ST3GAL6: variants seen among roughly 807,000 people sequenced by gnomAD.
ST3GAL6 encodes the protein ST3 beta-galactoside alpha-2,3-sialyltransferase 6, also known as type 2 lactosamine alpha-2,3-sialyltransferase.
ST3GAL6 carries 31 observed loss-of-function variants against 40.5 expected under a neutral mutation model. The observed-to-expected ratio is 0.77, with a 90% CI of 0.58 to 1.03. The LOEUF is 1.03. ST3GAL6 is among the 50% of genes least tolerant of loss of function. The pLI is 0.00. For synonymous variants in ST3GAL6, 129 were observed against 136.9 expected, an observed-to-expected ratio of 0.94 and a Z score of 0.40; for missense variants, 357 against 393.2, an observed-to-expected ratio of 0.91 and a Z score of 0.78.
chr3:98,771,191 G>GTGAGGC, intron 3 of ST3GAL6: 1 of 1,444,474 alleles, frequency 6.9e-7, no homozygotes, highest in African/African-American at 1.4e-5. Flanking sequence ...TTTCACACAG[G>GTGAGGC]TGAGGCTAGA....
At chr3:98,746,047 GA>G (rs1455133895) in intron 1 of ST3GAL6, among the ~76,000 whole-genome samples, 1 of 152,168 alleles carries the variant, frequency 6.6e-6, no homozygotes, top group Non-Finnish European at 1.5e-5. Flanking sequence ...ATAGATGGAT[GA>G]GATAGGTTGG....
chr3:98,735,968 G>A (rs145998631), intron 1 of ST3GAL6, among the ~76,000 whole-genome samples: 77 of 152,160 alleles, frequency 5.1e-4, no homozygotes, highest in African/African-American at 1.9e-3. Flanking sequence ...CTTGACTGTC[G>A]TATAATCAGG....
chr3:98,784,283 G>A (rs967203917), intron 5 of ST3GAL6: 5 of 152,228 alleles, frequency 3.3e-5, no homozygotes, highest in Non-Finnish European at 7.3e-5. Context: ...TCCCCTTTGT[G>A]TTCTACTTTA....
rs748960891 is a variant in ST3GAL6 at position 98,788,016 on chromosome 3, G to A, written c.432-20G>A. 3 of 1,603,668 alleles carry A rather than the reference G, an allele frequency of 1.9e-6. No individual in the cohort carries two copies. The highest frequency in any genetic ancestry group is 1.9e-4 in the Middle Eastern group (1 of 5,188). The stretch of plus-strand genomic sequence containing the variant: ...ATACTGCACTTGGTCTACATATCTT[G>A]TATGTTTTACTATCCACAGAATGAA... On this transcript the variant is annotated intron_variant, in intron 6 of 9. Coordinates refer to ENST00000483910, the MANE Select transcript of ST3GAL6 (RefSeq NM_001323368.2).
chr3:98,770,676 C>G (rs554903400), intron 2 of ST3GAL6, among the ~76,000 whole-genome samples: 1 of 152,180 alleles, frequency 6.6e-6, no homozygotes, highest in Non-Finnish European at 1.5e-5. Context: ...CTTTTCCACC[C>G]TCCCTTTCCT....
chr3:98,734,603 G>A (rs1424519346), intron 1 of ST3GAL6, among the ~76,000 whole-genome samples: 1 of 152,082 alleles, frequency 6.6e-6, no homozygotes, highest in Non-Finnish European at 1.5e-5. Flanking sequence ...TTGTTTACAT[G>A]GTGCAGTAAA....
At chr3:98,790,199 G>A (rs1052742492) in intron 8 of ST3GAL6, among the ~76,000 whole-genome samples, 1 of 130,954 alleles carries the variant, frequency 7.6e-6, no homozygotes, top group South Asian at 2.4e-4. Flanking sequence ...TTTGGTCTGT[G>A]TATATGCTGA....
chr3:98,751,547 A>G (rs950191027), intron 1 of ST3GAL6, among the ~76,000 whole-genome samples: 3 of 152,210 alleles, frequency 2.0e-5, no homozygotes, highest in African/African-American at 7.2e-5. Context: ...AAATTGAAAC[A>G]TTTATGTACT....
At position 98,795,012 on chromosome 3, in the gene ST3GAL6, A is replaced by C. The variant is rs1249844264; in HGVS notation, c.*1251A>C. The C allele has an allele frequency of 6.6e-6, 1 of 152,194 alleles. No individual in the cohort carries two copies. Among genetic ancestry groups the C allele is most frequent in the East Asian group, 1.9e-4 (1 of 5,202 alleles). 9.4% of individuals were successfully genotyped at this position (152,194 alleles called of 1,614,324 possible). Reference sequence around the variant, plus strand: ...AGATGGAAAGCTTGCCTGGCTACCTAGGGTGCACCAGAGAATCTGATCCAA... The same window carrying C: ...AGATGGAAAGCTTGCCTGGCTACCTCGGGTGCACCAGAGAATCTGATCCAA... On this transcript the variant is annotated 3_prime_UTR_variant, in exon 10 of 10. Coordinates refer to ENST00000483910, the MANE Select transcript of ST3GAL6 (RefSeq NM_001323368.2).
chr3:98,788,967 T>G (rs960469467), intron 8 of ST3GAL6, among the ~76,000 whole-genome samples: 2 of 152,240 alleles, frequency 1.3e-5, no homozygotes, highest in African/African-American at 4.8e-5. Flanking sequence ...AATGTTGGCA[T>G]TAAATTCTCA....
At chr3:98,745,944 T>A (rs1043912450) in intron 1 of ST3GAL6, among the ~76,000 whole-genome samples, 7 of 152,162 alleles carry the variant, frequency 4.6e-5, no homozygotes, top group Non-Finnish European at 8.8e-5. Context: ...CTTTAGTACA[T>A]CCATACTCTC....
chr3:98,772,946 T>A (rs1939152277), intron 4 of ST3GAL6, 30 bp downstream of exon 4: 1 of 1,441,888 alleles, frequency 6.9e-7, no homozygotes, highest in Non-Finnish European at 9.7e-7. Context: ...CCTGGTTCTG[T>A]TAAATTTGAG....
chr3:98,732,963 G>T, intron 1 of ST3GAL6: 1 of 1,504,232 alleles, frequency 6.6e-7, no homozygotes, highest in South Asian at 1.2e-5. Flanking sequence ...CCTGGGCCTC[G>T]GCGGGTCACT....
intron 1 of ST3GAL6, among the ~76,000 whole-genome samples, chr3:98,741,050 C>CTGTGTGTG (rs748180004): frequency 2.5e-5 from 2 of 78,914 alleles, no homozygotes; most frequent in East Asian, 3.6e-4. Context: ...TAGAGGGATT[C>CTGTGTGTG]AGTGTGTGTG....
At chr3:98,768,596 A>G (rs1333455907) in intron 2 of ST3GAL6, 67 bp downstream of exon 2, 1 of 1,181,840 alleles carries the variant, frequency 8.5e-7, no homozygotes, top group Non-Finnish European at 1.3e-6. Context: ...CACAAATTAT[A>G]GTAGAGGGTC....
In ST3GAL6 at chr3:98,785,003, T is replaced by C. The variant is rs770699614; in HGVS notation, c.394T>C (p.Leu132=). Residue 132 remains leucine, a synonymous_variant, in exon 6 of 10, where the codon TTA becomes CTA. Transcript: ENST00000483910. ...TGGAGGAGTTTTGAAGAATAAGACA[T>C]TAGGAGAAAAAATCGACTCCTATGA... ...GNGGVLKNKT[L]GEKIDSYDVI... 36 of 1,612,670 alleles carry C rather than the reference T, an allele frequency of 2.2e-5. No homozygotes were observed. The highest frequency in any genetic ancestry group is 2.8e-5 in the Non-Finnish European group (33 of 1,179,070).
rs762982651 is a variant in ST3GAL6, at chr3:98,792,001, A to G, written c.909+8A>G. The stretch of plus-strand genomic sequence containing the variant: ...ATGTCTTTGATGAATAAGGTAATAT[A>G]CTGTACTTTAGGTAATATACATATG... On this transcript the variant is annotated splice_region_variant and intron_variant, in intron 9 of 9. Transcript: ENST00000483910. The G allele has an allele frequency of 6.2e-7, 1 of 1,604,768 alleles. No individual in the cohort carries two copies. Among genetic ancestry groups the G allele is most frequent in the South Asian group, 1.1e-5 (1 of 89,152 alleles).
chr3:98,736,926 G>A (rs79849007), intron 1 of ST3GAL6, among the ~76,000 whole-genome samples: 3,299 of 152,300 alleles, frequency 0.022, 127 homozygotes, highest in African/African-American at 0.076. Context: ...GATGTAGTCA[G>A]TAAGATAGGA....
chr3:98,738,425 C>T (rs7614161), intron 1 of ST3GAL6, among the ~76,000 whole-genome samples: 6 of 151,690 alleles, frequency 4.0e-5, no homozygotes, highest in Admixed American at 2.6e-4. Flanking sequence ...AGATACACAC[C>T]GCCACACCCG....
Sources: allele counts gnomAD v4.1 joint callset (sites outside exome capture counted in the v4.1 genomes callset), GRCh38; gene constraint gnomAD v4.1.1; transcripts MANE v1.5; gene names NCBI Gene and HGNC (gene_info 2026-07-23, HGNC 2026-07-21).